The following MEGF11 variants were observed in gnomAD, a reference collection of about 807,000 sequenced individuals.
MEGF11 encodes the protein multiple EGF like domains 11.
MEGF11 carries 126 observed loss-of-function variants against 146.6 expected under a neutral mutation model. That is an observed-to-expected ratio of 0.86 (90% CI 0.74 to 1.00). MEGF11 has a LOEUF of 1.00. Among genes scored for constraint, MEGF11 ranks in the 50% least tolerant of loss-of-function variants. The pLI is 0.00. For synonymous variants in MEGF11, 532 were observed against 583.4 expected, an observed-to-expected ratio of 0.91 and a Z score of 1.27; for missense variants, 1,509 against 1,521.2, an observed-to-expected ratio of 0.99 and a Z score of 0.13.
chr15:65,955,446 TAAAC>T (rs950505860), intron 10 of MEGF11, among the ~76,000 whole-genome samples: 1 of 150,658 alleles, frequency 6.6e-6, no homozygotes, highest in African/African-American at 2.4e-5. Flanking sequence ...TGTTTTTACT[TAAAC>T]AAATATATTT....
At chr15:66,141,335 C>G (rs1459865189) in intron 1 of MEGF11, among the ~76,000 whole-genome samples, 1 of 147,594 alleles carries the variant, frequency 6.8e-6, no homozygotes, top group Non-Finnish European at 1.5e-5. Context: ...CTCTTTGGAT[C>G]AGAGCTTCCT....
intron 5 of MEGF11, among the ~76,000 whole-genome samples, chr15:66,020,991 C>CAAAAAAAAAAAAAAAAAAAAA (rs35364286): frequency 1.4e-5 from 1 of 70,786 alleles, no homozygotes; most frequent in African/African-American, 5.6e-5. Context: ...AACTCCATCT[C>CAAAAAAAAAAAAAAAAAAAAA]AAAAAAAAAA....
intron 17 of MEGF11, 112 bp from the exon 18 acceptor site, chr15:65,916,388 C>A: frequency 7.7e-7 from 1 of 1,305,640 alleles, no homozygotes; most frequent in Non-Finnish European, 1.0e-6. Flanking sequence ...GGGATGAAGA[C>A]TAGTGAGACC....
chr15:66,197,988 G>C (rs1375970611), intron 1 of MEGF11, among the ~76,000 whole-genome samples: 3 of 152,232 alleles, frequency 2.0e-5, no homozygotes, highest in African/African-American at 4.8e-5. Context: ...TACTTGGAAG[G>C]CCGCAGTGGG....
At chr15:66,021,224 T>G (rs1475603305) in intron 5 of MEGF11, among the ~76,000 whole-genome samples, 1 of 151,990 alleles carries the variant, frequency 6.6e-6, no homozygotes, top group East Asian at 1.9e-4. Flanking sequence ...CATAAGTCAG[T>G]CAATCAATCA....
chr15:65,909,798 G>C lies in MEGF11; in HGVS notation c.2838C>G (p.Asn946Lys), dbSNP rs923488083. 2 of 1,579,184 alleles carry C rather than the reference G, an allele frequency of 1.3e-6. No homozygotes were observed. The highest frequency in any genetic ancestry group is 2.7e-5 in the African/African-American group (2 of 74,166). Residue 946 changes from asparagine (N) to lysine (K), a missense_variant, in exon 22 of 26, where the codon AAC (asparagine) becomes AAG (lysine). By Grantham distance (94) the Asn-to-Lys change is moderately conservative. Transcript: ENST00000395614. ...CTGCTGTGTCTCTGTCAAGGGACTT[G>C]TTACTGAGCTGTTTGGAGAGTAGGA... is the stretch of plus-strand genomic sequence containing the variant. ...LDRNSPTKLS[N>K]KSLDRDTAGW...
chr15:65,979,124 AG>A (rs947935421), intron 7 of MEGF11, among the ~76,000 whole-genome samples: 8 of 152,176 alleles, frequency 5.3e-5, no homozygotes, highest in Non-Finnish European at 1.2e-4. Context: ...GAAACACAGA[AG>A]GAAGTCCTAT....
At chr15:66,187,895 A>C (rs144648082) in intron 1 of MEGF11, among the ~76,000 whole-genome samples, 220 of 152,346 alleles carry the variant, frequency 1.4e-3, no homozygotes, top group African/African-American at 5.1e-3. Flanking sequence ...ATGGAAGAGA[A>C]TGCCCTTGCT....
chr15:66,077,999 A>G (rs1225901051), intron 5 of MEGF11, among the ~76,000 whole-genome samples: 1 of 152,112 alleles, frequency 6.6e-6, no homozygotes, highest in Non-Finnish European at 1.5e-5. Context: ...GTGTGGCCCA[A>G]TTGGCGTTTC....
intron 1 of MEGF11, among the ~76,000 whole-genome samples, chr15:66,131,580 C>A (rs902724526): frequency 6.6e-6 from 1 of 152,176 alleles, no homozygotes; most frequent in African/African-American, 2.4e-5. Context: ...GGAGAGCTTG[C>A]ACTGCAGTAC....
chr15:65,944,944 G>C (rs2141399051), intron 10 of MEGF11, among the ~76,000 whole-genome samples: 2 of 149,960 alleles, frequency 1.3e-5, no homozygotes, highest in East Asian at 3.9e-4. Flanking sequence ...TGTCACCCAG[G>C]CTGGAGTGCA....
intron 5 of MEGF11, among the ~76,000 whole-genome samples, chr15:66,052,452 G>A (rs1227624369): frequency 1.3e-5 from 2 of 152,164 alleles, no homozygotes; most frequent in African/African-American, 2.4e-5. Context: ...AGCACATAGA[G>A]GTTCTTGTCT....
intron 1 of MEGF11, among the ~76,000 whole-genome samples, chr15:66,252,592 G>A (rs2092391110): frequency 6.6e-6 from 1 of 152,224 alleles, no homozygotes; most frequent in East Asian, 1.9e-4. Context: ...GGGCTCGGGG[G>A]CTCTGGGCAC....
chr15:65,911,759 G>A (rs1158692153), intron 21 of MEGF11, among the ~76,000 whole-genome samples: 3 of 152,226 alleles, frequency 2.0e-5, no homozygotes, highest in Non-Finnish European at 4.4e-5. Context: ...TGGCAAAAGT[G>A]TCTACATGAT....
chr15:66,121,081 A>G lies in MEGF11; in HGVS notation c.201-1895T>C, dbSNP rs1261005593. Among the ~76,000 whole-genome samples the G allele has an allele frequency of 1.4e-4, 22 of 152,222 alleles. 1 individual carries two copies. The highest frequency in any genetic ancestry group is 1.4e-3 in the Admixed American group (22 of 15,292). On this transcript the variant is annotated intron_variant, in intron 3 of 25. Transcript: ENST00000395614. ...CATGCACACTCTAGGTCATCAGGAA[A>G]GCTGCAAGGCAACTTAATAATTTAG...
intron 4 of MEGF11, among the ~76,000 whole-genome samples, chr15:66,106,854 G>C (rs1036131505): frequency 6.6e-6 from 1 of 152,120 alleles, no homozygotes; most frequent in Non-Finnish European, 1.5e-5. Flanking sequence ...TAAGACTAGG[G>C]TAAAAGACAC....
intron 5 of MEGF11, among the ~76,000 whole-genome samples, chr15:66,055,692 G>A (rs1439052155): frequency 6.6e-6 from 1 of 152,186 alleles, no homozygotes; most frequent in East Asian, 1.9e-4. Context: ...TGTGATTCAA[G>A]AACCAAGTAA....
chr15:66,096,486 T>C (rs1172632648), intron 4 of MEGF11, among the ~76,000 whole-genome samples: 1 of 152,178 alleles, frequency 6.6e-6, no homozygotes, highest in Non-Finnish European at 1.5e-5. Context: ...GCTAGAGGCC[T>C]CTGAAGGTGG....
intron 8 of MEGF11, among the ~76,000 whole-genome samples, chr15:65,967,792 C>T (rs1438494410): frequency 1.3e-5 from 2 of 152,142 alleles, no homozygotes; most frequent in Non-Finnish European, 2.9e-5. Context: ...TAGCTCTCCC[C>T]TCTCAGAGCC....
Sources: gnomAD v4.1 joint callset for allele counts (sites outside exome capture counted in the v4.1 genomes callset) on GRCh38, gnomAD v4.1.1 for gene constraint, MANE v1.5 for transcripts, NCBI Gene and HGNC (gene_info 2026-07-23, HGNC 2026-07-21) for gene names.